Variants in ST6GALNAC3 observed in about 807,000 individuals in gnomAD.
ST6GALNAC3 encodes alpha-N-acetylgalactosaminide alpha-2,6-sialyltransferase 3.
Under a neutral mutation model 32.7 loss-of-function variants are expected in ST6GALNAC3, and 25 were observed. The ratio of observed to expected loss-of-function variants is 0.76; its 90% CI spans 0.56 to 1.07. The LOEUF is 1.07. Among genes scored for constraint, ST6GALNAC3 ranks in the 50% least tolerant of loss-of-function variants. The probability of loss-of-function intolerance (pLI) is 0.00; values close to 1 mark genes in which losing one functional copy is unlikely to be tolerated. For synonymous variants in ST6GALNAC3, 129 were observed against 133.1 expected, an observed-to-expected ratio of 0.97 and a Z score of 0.21; for missense variants, 355 against 382.4, an observed-to-expected ratio of 0.93 and a Z score of 0.60.
chr1:76,086,580 T>G (rs1246588525), intron 1 of ST6GALNAC3, among the ~76,000 whole-genome samples: 1 of 152,178 alleles, frequency 6.6e-6, no homozygotes, highest in African/African-American at 2.4e-5. Context: ...ATCTCCAGCC[T>G]TCATGCCCCT....
intron 1 of ST6GALNAC3, among the ~76,000 whole-genome samples, chr1:76,312,056 T>C (rs1204790116): frequency 6.6e-6 from 1 of 152,154 alleles, no homozygotes; most frequent in East Asian, 1.9e-4. Context: ...TTTTCATATG[T>C]TTGTTGGCTT....
intron 1 of ST6GALNAC3, among the ~76,000 whole-genome samples, chr1:76,139,208 A>G (rs1650151342): frequency 6.6e-6 from 1 of 151,850 alleles, no homozygotes; most frequent in Non-Finnish European, 1.5e-5. Context: ...GAAAAAAAAA[A>G]AAAAAATCTA....
intron 2 of ST6GALNAC3, among the ~76,000 whole-genome samples, chr1:76,349,286 C>T (rs1648783077): frequency 6.6e-6 from 1 of 152,098 alleles, no homozygotes; most frequent in South Asian, 2.1e-4. Flanking sequence ...TGTTGAACAC[C>T]AGACTTGTTG....
At chr1:76,531,458 G>A (rs1478148199) in intron 3 of ST6GALNAC3, among the ~76,000 whole-genome samples, 1 of 152,082 alleles carries the variant, frequency 6.6e-6, no homozygotes, top group East Asian at 1.9e-4. Context: ...ATAATAACAT[G>A]TTTGCTAACA....
intron 1 of ST6GALNAC3, among the ~76,000 whole-genome samples, chr1:76,082,463 C>A (rs924319145): frequency 3.3e-5 from 5 of 152,174 alleles, no homozygotes; most frequent in African/African-American, 9.7e-5. Context: ...TTGTTAATTT[C>A]TCTCCTTGTT....
chr1:76,555,810 C>A (rs1320362765), intron 3 of ST6GALNAC3, among the ~76,000 whole-genome samples: 1 of 151,966 alleles, frequency 6.6e-6, no homozygotes, highest in African/African-American at 2.4e-5. Context: ...TAGAGGGATT[C>A]TGGGTACCAG....
chr1:76,082,409 G>A lies in ST6GALNAC3; in HGVS notation c.18+7525G>A, dbSNP rs541242502. Among the ~76,000 whole-genome samples the A allele has an allele frequency of 3.8e-4, 58 of 152,246 alleles. No individual in the cohort carries two copies. In the South Asian group the frequency reaches 0.011, roughly 30 times the overall value. On this transcript the variant is annotated intron_variant, in intron 1 of 4. Coordinates refer to ENST00000328299, the MANE Select transcript of ST6GALNAC3 (RefSeq NM_152996.4). ...TTTATGCCTTTTACTGCCAATTAGC[G>A]CCTTCACCTGAGCAGAGAAAAAAGG...
chr1:76,481,452 A>T (rs547097153), intron 3 of ST6GALNAC3, among the ~76,000 whole-genome samples: 1 of 152,304 alleles, frequency 6.6e-6, no homozygotes, highest in Non-Finnish European at 1.5e-5. Context: ...AACTTTAAGT[A>T]GCAATTGGAT....
intron 2 of ST6GALNAC3, among the ~76,000 whole-genome samples, chr1:76,314,510 G>T (rs1461040858): frequency 6.6e-6 from 1 of 152,114 alleles, no homozygotes; most frequent in Non-Finnish European, 1.5e-5. Context: ...ATTTAAAGGG[G>T]TTAAAATCGT....
chr1:76,279,884 T>C (rs1244512762), intron 1 of ST6GALNAC3, among the ~76,000 whole-genome samples: 4 of 152,196 alleles, frequency 2.6e-5, no homozygotes, highest in East Asian at 1.9e-4. Flanking sequence ...CGCACAGATA[T>C]AGGTTACTCG....
At chr1:76,309,031 C>T (rs920297182) in intron 1 of ST6GALNAC3, among the ~76,000 whole-genome samples, 4 of 152,178 alleles carry the variant, frequency 2.6e-5, no homozygotes, top group African/African-American at 7.2e-5. Context: ...ATGCCCTTCA[C>T]ATCTTCTCTT....
chr1:76,420,859 C>G (rs976197140), intron 3 of ST6GALNAC3, among the ~76,000 whole-genome samples: 1 of 152,054 alleles, frequency 6.6e-6, no homozygotes, highest in Non-Finnish European at 1.5e-5. Flanking sequence ...TTTCATGAAG[C>G]CTCTTGTAAT....
intron 1 of ST6GALNAC3, among the ~76,000 whole-genome samples, chr1:76,194,916 T>A (rs1472654186): frequency 6.6e-6 from 1 of 152,256 alleles, no homozygotes; most frequent in Non-Finnish European, 1.5e-5. Context: ...GATTTTTCAC[T>A]CATGCATGAT....
Position 76,555,806 on chromosome 1 carries a change from G to T in ST6GALNAC3, c.624-71646G>T, listed in dbSNP as rs570956757. On this transcript the variant is annotated intron_variant, in intron 3 of 4. Transcript: ENST00000328299. ...TCCCAGGGTTCTATATTTTTAGAGG[G>T]ATTCTGGGTACCAGGAAAATTCAAT... Among the ~76,000 whole-genome samples, 13 of 152,176 alleles carry T rather than the reference G, an allele frequency of 8.5e-5. No homozygotes were observed. The South Asian group carries it at 2.5e-3, about 29-fold the overall frequency.
chr1:76,088,245 G>A (rs1031839315), intron 1 of ST6GALNAC3, among the ~76,000 whole-genome samples: 22 of 152,238 alleles, frequency 1.4e-4, no homozygotes, highest in African/African-American at 5.1e-4. Context: ...TAACAGATGC[G>A]CCTATGACCA....
chr1:76,100,566 G>A (rs886322863), intron 1 of ST6GALNAC3, among the ~76,000 whole-genome samples: 7 of 152,078 alleles, frequency 4.6e-5, no homozygotes, highest in African/African-American at 1.7e-4. Context: ...TTTATATGAT[G>A]TTATATTTAG....
At chr1:76,127,180 G>A (rs964307870) in intron 1 of ST6GALNAC3, among the ~76,000 whole-genome samples, 12 of 152,306 alleles carry the variant, frequency 7.9e-5, no homozygotes, top group Admixed American at 2.0e-4. Context: ...AAATGAGGAA[G>A]CTGGCCTCAT....
chr1:76,288,692 A>T (rs533924078), intron 1 of ST6GALNAC3, among the ~76,000 whole-genome samples: 1 of 152,172 alleles, frequency 6.6e-6, no homozygotes, highest in South Asian at 2.1e-4. Flanking sequence ...ATAAGATTCA[A>T]TTTTATTCTA....
intron 3 of ST6GALNAC3, among the ~76,000 whole-genome samples, chr1:76,601,446 A>C (rs1186150654): frequency 2.0e-5 from 3 of 152,204 alleles, no homozygotes; most frequent in Admixed American, 1.3e-4. Flanking sequence ...GGGTAAAACT[A>C]CATAAATCAT....
Sources: gnomAD v4.1 joint callset for allele counts (sites outside exome capture counted in the v4.1 genomes callset) on GRCh38, gnomAD v4.1.1 for gene constraint, MANE v1.5 for transcripts, NCBI Gene and HGNC (gene_info 2026-07-23, HGNC 2026-07-21) for gene names.